ZMAT2: variants seen among roughly 807,000 people sequenced by gnomAD.
ZMAT2 encodes the protein zinc finger matrin-type 2.
Under a neutral mutation model 27.5 loss-of-function variants are expected in ZMAT2, and 5 were observed. That is an observed-to-expected ratio of 0.18 (90% CI 0.10 to 0.38). The LOEUF is 0.38. Among genes scored for constraint, ZMAT2 ranks in the 10% least tolerant of loss-of-function variants. The pLI is 1.00. For synonymous variants in ZMAT2, 76 were observed against 78.6 expected (o/e 0.97, Z 0.17); for missense variants, 124 against 243.9 (o/e 0.51, Z 3.27).
At chr5:140,700,751 G>T in intron 1 of ZMAT2, 68 bp from the exon 2 acceptor site, 1 of 1,545,912 alleles carries the variant, frequency 6.5e-7, no homozygotes, top group Non-Finnish European at 8.9e-7. Context: ...GACCGCGAGG[G>T]CGCGGTTCCC....
At chr5:140,700,750 G>A in intron 1 of ZMAT2, 69 bp from the exon 2 acceptor site, 1 of 1,544,228 alleles carries the variant, frequency 6.5e-7, no homozygotes, top group Non-Finnish European at 8.9e-7. Flanking sequence ...GGACCGCGAG[G>A]GCGCGGTTCC....
At chr5:140,700,605 A>G (rs1581558563) in intron 1 of ZMAT2, 127 bp downstream of exon 1, 3 of 1,543,866 alleles carry the variant, frequency 1.9e-6, no homozygotes, top group Non-Finnish European at 2.6e-6. Flanking sequence ...TTCAGGTTCA[A>G]GAACTCCCCA....
rs1410996838 is a variant in ZMAT2, at chr5:140,704,585, A to G, written c.456+14A>G. The G allele has an allele frequency of 8.7e-6, 14 of 1,611,908 alleles. No homozygotes were observed. The highest frequency in any genetic ancestry group is 4.5e-5 in the East Asian group (2 of 44,858). ...CTCAGAGAAGAGGTAAGGGTCTCCT[A>G]TCCTTCCCCTCTCCCCCAGATTTGA... On this transcript the variant is annotated intron_variant, in intron 5 of 5. Transcript: ENST00000274712.
At chr5:140,701,763 A>G (rs1759967692) in intron 2 of ZMAT2, among the ~76,000 whole-genome samples, 1 of 152,254 alleles carries the variant, frequency 6.6e-6, no homozygotes, top group Admixed American at 6.5e-5. Context: ...ATCAATGAAT[A>G]TAAAACATAC....
Position 140,700,896 on chromosome 5 carries a change from G to C in ZMAT2, c.96G>C (p.Glu32Asp). 1 of 1,614,162 alleles carries C rather than the reference G, an allele frequency of 6.2e-7. No individual in the cohort carries two copies. Among genetic ancestry groups the C allele is most frequent in the Non-Finnish European group, 8.5e-7 (1 of 1,180,022 alleles). The change falls in exon 2 of 6, where the codon GAG becomes GAC. Residue 32 changes from glutamate (E) to aspartate (D), a missense_variant. Transcript: ENST00000274712. Reference sequence around the variant, plus strand: ...TCGCCGAGAAGAGGCTCACGGAAGAGAGAGAAAAGAAAGATGGTGGGTGCT... The same window carrying C: ...TCGCCGAGAAGAGGCTCACGGAAGACAGAGAAAAGAAAGATGGTGGGTGCT... ...EKLAEKRLTE[E>D]REKKDGKPVQ...
chr5:140,700,800 C>T lies in ZMAT2; in HGVS notation c.19-19C>T. The T allele has an allele frequency of 6.2e-7, 1 of 1,612,984 alleles. No individual in the cohort carries two copies. The highest frequency in any genetic ancestry group is 1.1e-5 in the South Asian group (1 of 91,046). On this transcript the variant is annotated intron_variant, in intron 1 of 5. Coordinates refer to ENST00000274712, the MANE Select transcript of ZMAT2 (RefSeq NM_144723.3). ...GCCCAGACACGGCGACGGATCTTGA[C>T]GCTTTTTCCTCCCCACAGACAAAAA...
Position 140,705,990 on chromosome 5 carries a change from C to A in ZMAT2, c.*234C>A. 2.2e-6 allele frequency: 1 copy of A among 456,656 alleles called. No individual in the cohort carries two copies. Among genetic ancestry groups the A allele is most frequent in the Non-Finnish European group, 3.7e-6 (1 of 269,680 alleles). The allele number at this position is 456,656 out of a possible 1,614,324, so 28.3% of individuals were successfully genotyped here. On this transcript the variant is annotated 3_prime_UTR_variant, in exon 6 of 6. Transcript: ENST00000274712. ...TCAGTGTATCACTGGAGTCACAGGA[C>A]CCTGCCCACCTGAGTTCCCAATAAA...
intron 1 of ZMAT2, 70 bp downstream of exon 1, chr5:140,700,548 AC>A: frequency 6.2e-7 from 1 of 1,603,398 alleles, no homozygotes; most frequent in Non-Finnish European, 8.5e-7. Context: ...ATAGAGACAA[AC>A]TCCTGCACCC....
intron 2 of ZMAT2, 68 bp downstream of exon 2, chr5:140,700,980 A>G: frequency 6.6e-7 from 1 of 1,504,088 alleles, no homozygotes; most frequent in South Asian, 1.2e-5. Context: ...AGCGGGTGGG[A>G]GTTGAAGTGC....
chr5:140,701,255 A>AC (rs371344925), intron 2 of ZMAT2, among the ~76,000 whole-genome samples: 14 of 151,910 alleles, frequency 9.2e-5, no homozygotes, highest in Admixed American at 9.2e-4. Context: ...GCTATCAGTG[A>AC]CCCCCCTCTT....
intron 4 of ZMAT2, 158 bp downstream of exon 4, chr5:140,704,149 G>GCTGA: frequency 1.4e-6 from 1 of 737,266 alleles, no homozygotes; most frequent in East Asian, 2.6e-5. Context: ...GCCCCTATTA[G>GCTGA]AACTCTCCAG....
intron 2 of ZMAT2, among the ~76,000 whole-genome samples, chr5:140,701,445 G>A (rs142498890): frequency 1.2e-4 from 19 of 152,312 alleles, no homozygotes; most frequent in African/African-American, 4.6e-4. Flanking sequence ...TTAAGAGATT[G>A]CATAAAGAAA....
rs1760045405 is a variant in ZMAT2, at chr5:140,705,710, C to T, written c.554C>T (p.Ala185Val). 1 of 1,613,970 alleles carries T rather than the reference C, an allele frequency of 6.2e-7. No individual in the cohort carries two copies. The highest frequency in any genetic ancestry group is 1.3e-5 in the African/African-American group (1 of 74,896). ...LTFEEDDEMAAVMGFSGFGST... is the reference protein window; with the variant it reads ...LTFEEDDEMAVVMGFSGFGST... ...TTTGAGGAGGACGATGAGATGGCAG[C>T]TGTGATGGGCTTCTCTGGCTTTGGT... Residue 185 changes from alanine (A) to valine (V), a missense_variant, in exon 6 of 6, where the codon GCT becomes GTT. Transcript: ENST00000274712.
Position 140,700,854 on chromosome 5 carries a change from A to C in ZMAT2, c.54A>C (p.Lys18Asn). Reference protein sequence around the residue: ...KNLDFRRKWDKDEYEKLAEKR... With the variant: ...KNLDFRRKWDNDEYEKLAEKR... Reference sequence around the variant, plus strand: ...TGGACTTTCGCCGAAAGTGGGACAAAGATGAATATGAGAAACTCGCCGAGA... The same window carrying C: ...TGGACTTTCGCCGAAAGTGGGACAACGATGAATATGAGAAACTCGCCGAGA... The change falls in exon 2 of 6, where the codon AAA (lysine) becomes AAC (asparagine). Residue 18 changes from lysine (K) to asparagine (N), a missense_variant. Transcript: ENST00000274712. The C allele has an allele frequency of 1.9e-6, 3 of 1,614,106 alleles. No homozygotes were observed. The highest frequency in any genetic ancestry group is 2.5e-6 in the Non-Finnish European group (3 of 1,179,980).
At chr5:140,701,056 T>G (rs1342414668) in intron 2 of ZMAT2, 144 bp downstream of exon 2, 2 of 760,556 alleles carry the variant, frequency 2.6e-6, no homozygotes, top group Non-Finnish European at 4.2e-6. Context: ...TTTCTGCATT[T>G]ACAAAATGAG....
chr5:140,700,743 C>T (rs1216291722), intron 1 of ZMAT2, 76 bp from the exon 2 acceptor site: 2 of 1,529,684 alleles, frequency 1.3e-6, no homozygotes, highest in East Asian at 2.2e-5. Context: ...GACACCTGGA[C>T]CGCGAGGGCG....
chr5:140,701,444 T>C (rs1422241804), intron 2 of ZMAT2, among the ~76,000 whole-genome samples: 1 of 152,236 alleles, frequency 6.6e-6, no homozygotes, highest in African/African-American at 2.4e-5. Flanking sequence ...TTTAAGAGAT[T>C]GCATAAAGAA....
intron 2 of ZMAT2, among the ~76,000 whole-genome samples, chr5:140,701,321 T>G (rs1350777576): frequency 6.6e-6 from 1 of 152,142 alleles, no homozygotes; most frequent in Non-Finnish European, 1.5e-5. Flanking sequence ...GACCCTCCCA[T>G]ATAGTCTGAG....
In ZMAT2 at chr5:140,706,526, C is replaced by T. The variant is rs14803; in HGVS notation, c.*770C>T. The T allele has an allele frequency of 6.6e-6, 1 of 152,508 alleles. No individual in the cohort carries two copies. Among genetic ancestry groups the T allele is most frequent in the African/African-American group, 2.4e-5 (1 of 41,402 alleles). 9.4% of individuals were successfully genotyped at this position (152,508 alleles called of 1,614,324 possible). A position where few individuals can be genotyped will look rare whatever the true frequency, so the allele number is the denominator to read the frequency against. ...TGTTTTTGTCTACCTTGTGAGCAGG[C>T]TTTTGGAAGAACCTGTTTGATGCAA... is the stretch of plus-strand genomic sequence containing the variant. On this transcript the variant is annotated 3_prime_UTR_variant, in exon 6 of 6. Transcript: ENST00000274712.
Sources: allele counts gnomAD v4.1 joint callset (sites outside exome capture counted in the v4.1 genomes callset), GRCh38; gene constraint gnomAD v4.1.1; transcripts MANE v1.5; gene names NCBI Gene and HGNC (gene_info 2026-07-23, HGNC 2026-07-21).